The following MLLT10 variants were observed in gnomAD, a reference collection of about 807,000 sequenced individuals.
The protein encoded by MLLT10 is protein AF-10.
MLLT10 carries 30 observed loss-of-function variants against 129.1 expected under a neutral mutation model. The ratio of observed to expected loss-of-function variants is 0.23; its 90% CI spans 0.17 to 0.32. The LOEUF is 0.32. Ranked by LOEUF, MLLT10 falls within the 10% of genes least tolerant of loss-of-function variation. The probability of loss-of-function intolerance (pLI) is 1.00; values close to 1 mark genes in which losing one functional copy is unlikely to be tolerated. For missense variants in MLLT10, 1,119 were observed against 1,268.3 expected, an observed-to-expected ratio of 0.88 and a Z score of 1.79; for synonymous variants, 490 against 446.4, an observed-to-expected ratio of 1.10 and a Z score of -1.23.
intron 5 of MLLT10, among the ~76,000 whole-genome samples, chr10:21,609,744 T>G (rs1433275111): frequency 2.6e-5 from 4 of 152,238 alleles, no homozygotes; most frequent in African/African-American, 9.6e-5. Flanking sequence ...TCCCTCTGAC[T>G]TTACTTAAAT....
intron 9 of MLLT10, among the ~76,000 whole-genome samples, chr10:21,663,811 C>T (rs183900828): frequency 2.7e-4 from 41 of 152,284 alleles, no homozygotes; most frequent in Non-Finnish European, 4.9e-4. Context: ...TGTGATCCGC[C>T]TGCCTCCACC....
chr10:21,672,942 T>C (rs961885431), intron 10 of MLLT10, among the ~76,000 whole-genome samples: 32 of 152,178 alleles, frequency 2.1e-4, no homozygotes, highest in African/African-American at 7.7e-4. Flanking sequence ...AGTCAGATTA[T>C]AGTCTTGTTA....
Position 21,635,541 on chromosome 10 carries a change from G to T in MLLT10, c.700-16132G>T, listed in dbSNP as rs373385784. 2.6e-5 allele frequency among the ~76,000 whole-genome samples: 4 copies of T among 151,904 alleles called. No homozygotes were observed. In the East Asian group the frequency reaches 7.8e-4, roughly 29 times the overall value. The stretch of plus-strand genomic sequence containing the variant: ...CCATGTCACCTGGCTAATTTTTGTA[G>T]TTTTAGTAGAGACTGTGTTTCATCA... On this transcript the variant is annotated intron_variant, in intron 8 of 22. Coordinates refer to ENST00000307729, the MANE Select transcript of MLLT10 (RefSeq NM_001195626.3).
In MLLT10 at chr10:21,572,969, A is replaced by AT. The variant is rs552562863; in HGVS notation, c.241-13319dup. ...GATGCTATTTTAAAATATTAAATAC[A>AT]TTTTTTAGCAATTATAAAGTATTAT... On this transcript the variant is annotated intron_variant, in intron 3 of 22. Transcript: ENST00000307729. Among the ~76,000 whole-genome samples the AT allele has an allele frequency of 3.7e-4, 56 of 152,184 alleles. 3 individuals are homozygous for AT. The South Asian group carries it at 0.011, about 30-fold the overall frequency.
intron 3 of MLLT10, among the ~76,000 whole-genome samples, chr10:21,555,139 G>A (rs1355778063): frequency 6.6e-6 from 1 of 151,472 alleles, no homozygotes; most frequent in Non-Finnish European, 1.5e-5. Context: ...TAATTTCTAA[G>A]GACTCTTTAT....
At chr10:21,717,294 G>A (rs1205721511) in intron 14 of MLLT10, among the ~76,000 whole-genome samples, 2 of 143,540 alleles carry the variant, frequency 1.4e-5, no homozygotes, top group African/African-American at 2.5e-5. Context: ...CCTGGAAAGT[G>A]GTCAAGGAGA....
intron 3 of MLLT10, among the ~76,000 whole-genome samples, chr10:21,558,741 T>C (rs2038408529): frequency 6.6e-6 from 1 of 152,290 alleles, no homozygotes; most frequent in African/African-American, 2.4e-5. Context: ...CTATTTGTTT[T>C]GACACTATTC....
At chr10:21,682,008 C>T (rs972198521) in intron 12 of MLLT10, among the ~76,000 whole-genome samples, 2 of 152,078 alleles carry the variant, frequency 1.3e-5, no homozygotes, top group African/African-American at 4.8e-5. Flanking sequence ...CTTAACATAT[C>T]TCAATTTAGT....
chr10:21,616,402 T>C (rs538141598), intron 7 of MLLT10, among the ~76,000 whole-genome samples: 4 of 152,192 alleles, frequency 2.6e-5, no homozygotes, highest in African/African-American at 9.6e-5. Context: ...TTTGAACTTC[T>C]TTATAGTCAT....
intron 11 of MLLT10, among the ~76,000 whole-genome samples, 187 bp downstream of exon 11, chr10:21,674,106 T>C (rs531416604): frequency 6.6e-6 from 1 of 152,218 alleles, no homozygotes; most frequent in Non-Finnish European, 1.5e-5. Context: ...TCTTAGATGA[T>C]TTGGTGTTTG....
chr10:21,613,097 G>A (rs1483252246), intron 6 of MLLT10, among the ~76,000 whole-genome samples: 1 of 150,226 alleles, frequency 6.7e-6, no homozygotes, highest in Non-Finnish European at 1.5e-5. Flanking sequence ...GGAAAGCTGA[G>A]GCAAGAGAAT....
chr10:21,725,065 C>T (rs2057386267), intron 14 of MLLT10, among the ~76,000 whole-genome samples: 1 of 152,056 alleles, frequency 6.6e-6, no homozygotes, highest in Non-Finnish European at 1.5e-5. Flanking sequence ...AAAATAAAAA[C>T]AAAACAAAAC....
At chr10:21,625,989 G>A in intron 8 of MLLT10, 2 of 943,352 alleles carry the variant, frequency 2.1e-6, no homozygotes, top group African/African-American at 3.2e-5. Context: ...ACACTGTTTG[G>A]TGGAGGCCCA....
chr10:21,579,173 T>C (rs911443280), intron 3 of MLLT10, among the ~76,000 whole-genome samples: 1 of 152,228 alleles, frequency 6.6e-6, no homozygotes, highest in African/African-American at 2.4e-5. Flanking sequence ...ATTTAAGTAT[T>C]TTAGTTTACT....
At chr10:21,633,792 G>A (rs935188040) in intron 8 of MLLT10, among the ~76,000 whole-genome samples, 1 of 152,126 alleles carries the variant, frequency 6.6e-6, no homozygotes, top group Admixed American at 6.5e-5. Context: ...ATTCTATATA[G>A]CCACAATGTA....
At chr10:21,690,748 T>C (rs931121953) in intron 13 of MLLT10, among the ~76,000 whole-genome samples, 5 of 152,140 alleles carry the variant, frequency 3.3e-5, no homozygotes, top group Admixed American at 2.6e-4. Flanking sequence ...AGTGCTGCCT[T>C]CTGAACATTT....
chr10:21,634,531 T>C (rs1002670777), intron 8 of MLLT10, among the ~76,000 whole-genome samples: 1 of 152,246 alleles, frequency 6.6e-6, no homozygotes, highest in East Asian at 1.9e-4. Flanking sequence ...CTGTGAGATA[T>C]TACTTGAGGC....
At chr10:21,732,873 T>C (rs2058075925) in intron 17 of MLLT10, 26 bp from the exon 18 acceptor site, 3 of 1,602,460 alleles carry the variant, frequency 1.9e-6, no homozygotes, top group Admixed American at 1.7e-5. Flanking sequence ...CTTGTCATTA[T>C]TAAAAACTAT....
chr10:21,727,077 G>C (rs1261549530), intron 15 of MLLT10, among the ~76,000 whole-genome samples: 1 of 152,106 alleles, frequency 6.6e-6, no homozygotes, highest in Non-Finnish European at 1.5e-5. Context: ...TTTGGGGGAA[G>C]GGAATGGATT....
Sources: allele counts gnomAD v4.1 joint callset (sites outside exome capture counted in the v4.1 genomes callset), GRCh38; gene constraint gnomAD v4.1.1; transcripts MANE v1.5; gene names NCBI Gene and HGNC (gene_info 2026-07-23, HGNC 2026-07-21).